CNTN4: variants seen among roughly 807,000 people sequenced by gnomAD.
The protein encoded by CNTN4 is contactin 4.
CNTN4 carries 77 observed loss-of-function variants against 122.5 expected under a neutral mutation model. The observed-to-expected ratio is 0.63, with a 90% CI of 0.52 to 0.76. CNTN4 has a LOEUF of 0.76. Among genes scored for constraint, CNTN4 ranks in the 30% least tolerant of loss-of-function variants. The pLI is 0.00. For synonymous variants in CNTN4, 512 were observed against 447.0 expected (o/e 1.15, Z -1.83); for missense variants, 1,256 against 1,259.1 (o/e 1.00, Z 0.04).
At chr3:2,413,145 A>G (rs952516736) in intron 3 of CNTN4, among the ~76,000 whole-genome samples, 2 of 152,216 alleles carry the variant, frequency 1.3e-5, no homozygotes, top group African/African-American at 4.8e-5. Context: ...TTCTCTAACC[A>G]AAATTGTCAG....
At chr3:2,334,010 A>C (rs2043840420) in intron 2 of CNTN4, among the ~76,000 whole-genome samples, 1 of 152,322 alleles carries the variant, frequency 6.6e-6, no homozygotes, top group East Asian at 1.9e-4. Flanking sequence ...AAGCCTGTTA[A>C]ATACAATGGC....
intron 2 of CNTN4, among the ~76,000 whole-genome samples, chr3:2,268,741 A>G (rs577985833): frequency 1.3e-5 from 2 of 152,142 alleles, no homozygotes; most frequent in Non-Finnish European, 2.9e-5. Context: ...TTTTTATAAC[A>G]TGGTATGCAA....
At chr3:2,631,879 C>CAA (rs1027845200) in intron 4 of CNTN4, among the ~76,000 whole-genome samples, 2 of 113,420 alleles carry the variant, frequency 1.8e-5, no homozygotes, top group Admixed American at 1.0e-4. Context: ...AAAAAAAAAA[C>CAA]AAAAAAAAAC....
At chr3:2,762,973 G>A (rs564828460) in intron 6 of CNTN4, among the ~76,000 whole-genome samples, 7 of 119,970 alleles carry the variant, frequency 5.8e-5, no homozygotes, top group Non-Finnish European at 6.5e-5. Flanking sequence ...ACTGAGTCTC[G>A]CTGTGTCGCG....
chr3:2,359,079 G>T (rs879514900), intron 3 of CNTN4, among the ~76,000 whole-genome samples: 4 of 152,086 alleles, frequency 2.6e-5, no homozygotes, highest in Non-Finnish European at 5.9e-5. Flanking sequence ...TAAAACAATT[G>T]TCTTCTCCAA....
intron 4 of CNTN4, among the ~76,000 whole-genome samples, chr3:2,681,418 C>T (rs897173885): frequency 6.6e-6 from 1 of 152,130 alleles, no homozygotes; most frequent in Admixed American, 6.6e-5. Flanking sequence ...CAAATACCTG[C>T]CATAGCAACA....
At chr3:2,715,416 C>T (rs1047454587) in intron 4 of CNTN4, among the ~76,000 whole-genome samples, 1 of 152,136 alleles carries the variant, frequency 6.6e-6, no homozygotes, top group Non-Finnish European at 1.5e-5. Context: ...ATTTTTAAAT[C>T]AGCAACCTCT....
At chr3:2,411,858 C>A (rs1417954628) in intron 3 of CNTN4, among the ~76,000 whole-genome samples, 3 of 152,162 alleles carry the variant, frequency 2.0e-5, no homozygotes, top group South Asian at 2.1e-4. Flanking sequence ...ATGTAAAAAA[C>A]CCCTTAAATA....
At chr3:2,832,897 C>T (rs1199942738) in intron 7 of CNTN4, among the ~76,000 whole-genome samples, 3 of 152,122 alleles carry the variant, frequency 2.0e-5, no homozygotes, top group African/African-American at 4.8e-5. Flanking sequence ...GATAGAATTA[C>T]AACCGATGTG....
intron 3 of CNTN4, among the ~76,000 whole-genome samples, chr3:2,471,741 G>A (rs991212538): frequency 1.3e-5 from 2 of 152,088 alleles, no homozygotes; most frequent in Non-Finnish European, 2.9e-5. Context: ...TCCTCTAAAT[G>A]TTCTAAGCAT....
intron 2 of CNTN4, among the ~76,000 whole-genome samples, chr3:2,118,149 G>A (rs2729009): frequency 0.5 from 76,427 of 151,914 alleles, 19,537 homozygotes; most frequent in East Asian, 0.7. Flanking sequence ...ACCTATAATA[G>A]TCCTGTGAGC....
At chr3:2,195,982 G>A (rs114514393) in intron 2 of CNTN4, among the ~76,000 whole-genome samples, 2 of 151,138 alleles carry the variant, frequency 1.3e-5, no homozygotes. Context: ...TCACATGTTT[G>A]TCTGATCCAT....
intron 2 of CNTN4, among the ~76,000 whole-genome samples, chr3:2,105,510 A>G (rs1439809696): frequency 1.3e-5 from 2 of 152,190 alleles, no homozygotes; most frequent in African/African-American, 4.8e-5. Context: ...CAGGTCTTAC[A>G]TGGCGGCAGG....
chr3:2,291,116 C>T (rs2042117256), intron 2 of CNTN4, among the ~76,000 whole-genome samples: 1 of 152,178 alleles, frequency 6.6e-6, no homozygotes, highest in South Asian at 2.1e-4. Flanking sequence ...GACCCCATCA[C>T]TGCAGATGTG....
chr3:2,651,231 G>T (rs1432512412), intron 4 of CNTN4, among the ~76,000 whole-genome samples: 1 of 152,014 alleles, frequency 6.6e-6, no homozygotes, highest in Admixed American at 6.6e-5. Context: ...ATCTTTTTGA[G>T]CCTCTTTCCT....
Position 2,902,992 on chromosome 3 carries a change from G to A in CNTN4, c.1194G>A (p.Glu398=). ...NKHGVIFSNA[E]LSVIAVGPDF... ...ATGGAGTTATCTTTTCCAACGCAGA[G>A]CTTAGTGTTATAGGTGAGTCTTTAT... The change falls in exon 12 of 25, where the codon GAG becomes GAA. Residue 398 remains glutamate (E), a synonymous_variant. Transcript: ENST00000418658. 1 of 1,613,686 alleles carries A rather than the reference G, an allele frequency of 6.2e-7. No homozygotes were observed. The highest frequency in any genetic ancestry group is 8.5e-7 in the Non-Finnish European group (1 of 1,179,830).
In CNTN4 at chr3:2,423,964, G is replaced by A. The variant is rs1412938747; in HGVS notation, c.-89+84731G>A. 6.0e-5 allele frequency among the ~76,000 whole-genome samples: 2 copies of A among 33,084 alleles called. 1 individual carries two copies. The highest frequency in any genetic ancestry group is 2.5e-4 in the African/African-American group (2 of 7,960). 21.7% of individuals were successfully genotyped at this position (33,084 alleles called of 152,430 possible). A position where few individuals can be genotyped will look rare whatever the true frequency, so the allele number is the denominator to read the frequency against. On this transcript the variant is annotated intron_variant, in intron 3 of 24. Transcript: ENST00000418658. ...GGAGGGAGGGGGTTTTTTTTGATTA[G>A]GCAACATACCTAATGTAAATGACGA...
At position 2,485,999 on chromosome 3, in the gene CNTN4, A is replaced by G. The variant is rs1190477202; in HGVS notation, c.-88-85417A>G. Among the ~76,000 whole-genome samples, 10 of 152,232 alleles carry G rather than the reference A, an allele frequency of 6.6e-5. No homozygotes were observed. The South Asian group carries it at 1.2e-3, about 19-fold the overall frequency. ...AAGCTTTGTTCTTTCGCTCTTTGCA[A>G]TAAATCTTGCTGCTGCTCACTCTTT... On this transcript the variant is annotated intron_variant, in intron 3 of 24. Transcript: ENST00000418658.
chr3:2,888,865 C>T (rs548555888), intron 10 of CNTN4, among the ~76,000 whole-genome samples: 3 of 152,012 alleles, frequency 2.0e-5, no homozygotes, highest in Non-Finnish European at 4.4e-5. Context: ...TCGGCCATTC[C>T]ACTCAGCACA....
Sources: allele counts gnomAD v4.1 joint callset (sites outside exome capture counted in the v4.1 genomes callset), GRCh38; gene constraint gnomAD v4.1.1; transcripts MANE v1.5; gene names NCBI Gene and HGNC (gene_info 2026-07-23, HGNC 2026-07-21).